The following INO80D variants were observed in gnomAD, a reference collection of about 807,000 sequenced individuals.
INO80D encodes INO80 complex subunit D.
Under a neutral mutation model 87.6 loss-of-function variants are expected in INO80D, and 21 were observed. The ratio of observed to expected loss-of-function variants is 0.24; its 90% CI spans 0.17 to 0.35. The LOEUF (loss-of-function observed/expected upper bound fraction) is 0.35, where lower values mean the gene tolerates loss of function less well. Ranked by LOEUF, INO80D falls within the 10% of genes least tolerant of loss-of-function variation. The pLI, the probability that INO80D is intolerant of heterozygous loss-of-function variation, is 1.00. For missense variants in INO80D, 982 were observed against 1,280.7 expected (o/e 0.77, Z 3.56); for synonymous variants, 440 against 491.0 (o/e 0.90, Z 1.37).
chr2:206,057,122 T>C (rs1400166694), intron 3 of INO80D, among the ~76,000 whole-genome samples, 179 bp from the exon 4 acceptor site: 2 of 152,170 alleles, frequency 1.3e-5, no homozygotes, highest in Non-Finnish European at 1.5e-5. Context: ...TCAGTGTAAT[T>C]TTGATGAGGC....
rs1302729339 is a variant in INO80D at position 206,085,669 on chromosome 2, CCCGCCCGCCGTCG to C, written c.-124+219_-124+231del. 9 of 149,986 alleles carry C rather than the reference CCCGCCCGCCGTCG, an allele frequency of 6.0e-5. No individual in the cohort carries two copies. The highest frequency in any genetic ancestry group is 1.9e-4 in the African/African-American group (8 of 41,260). 9.3% of individuals were successfully genotyped at this position (149,986 alleles called of 1,614,324 possible). ...CACTCCGGCTCCGGCTGGACCCCTG[CCCGCCCGCCGTCG>C]CCGCCCGCGGGCGCCCCGGAGGCCC... On this transcript the variant is annotated intron_variant, in intron 1 of 10. Transcript: ENST00000403263. The surrounding 1 kb of genome is among the most constrained non-coding windows in gnomAD (Gnocchi z 4.5).
intron 1 of INO80D, among the ~76,000 whole-genome samples, chr2:206,067,929 G>A (rs1203688423): frequency 2.0e-5 from 3 of 151,936 alleles, no homozygotes; most frequent in Non-Finnish European, 4.4e-5. Context: ...GGCAACAGAG[G>A]GAAACCCTGT....
In INO80D at chr2:206,004,493, T is replaced by C. The variant is rs778696731; in HGVS notation, c.2959A>G (p.Ser987Gly). ...AAFGHQLSSH[S>G]GIPKDLQPSH... ...GGCTGCAGGTCCTTAGGAATGCCAC[T>C]GTGAGAACTCAGCTGGTGGCCAAAG... Residue 987 changes from serine to glycine, a missense_variant, in exon 11 of 11, where the codon AGT (serine) becomes GGT (glycine). Physicochemically the swap from Ser to Gly is moderately conservative, Grantham distance 56. Transcript: ENST00000403263. This position sits in a 1 kb window ranked among gnomAD's most constrained non-coding sequence, Gnocchi z 4.9. 1 of 1,609,098 alleles carries C rather than the reference T, an allele frequency of 6.2e-7. No homozygotes were observed. The highest frequency in any genetic ancestry group is 8.5e-7 in the Non-Finnish European group (1 of 1,177,730).
At chr2:206,016,623 A>T (rs1472590090) in intron 8 of INO80D, among the ~76,000 whole-genome samples, 1 of 152,182 alleles carries the variant, frequency 6.6e-6, no homozygotes, top group Non-Finnish European at 1.5e-5. Flanking sequence ...GGGCAGAATG[A>T]TACGGTTTGA....
At chr2:206,081,756 C>CAAAAAAAAAAAAAAAAAAAAA (rs756168296) in intron 1 of INO80D, among the ~76,000 whole-genome samples, 1 of 75,266 alleles carries the variant, frequency 1.3e-5, no homozygotes. Context: ...GACCCTGTCT[C>CAAAAAAAAAAAAAAAAAAAAA]AAAAAAAAAA....
At chr2:206,027,152 ACG>A (rs762375901) in intron 6 of INO80D, among the ~76,000 whole-genome samples, 4 of 90,204 alleles carry the variant, frequency 4.4e-5, no homozygotes, top group East Asian at 4.7e-4. Context: ...GCACGCGCGC[ACG>A]CGCACACACA....
At chr2:206,039,810 C>CAAAAAAAA (rs35689223) in intron 5 of INO80D, among the ~76,000 whole-genome samples, 5 of 101,088 alleles carry the variant, frequency 4.9e-5, no homozygotes, top group East Asian at 2.8e-4. Context: ...CCTCTGTCTC[C>CAAAAAAAA]AAAAAAAAAA....
At chr2:206,082,931 G>C (rs1177480434) in intron 1 of INO80D, among the ~76,000 whole-genome samples, 1 of 151,996 alleles carries the variant, frequency 6.6e-6, no homozygotes, top group Admixed American at 6.6e-5. Context: ...AGTTGGAATG[G>C]GATATACAAA....
intron 6 of INO80D, among the ~76,000 whole-genome samples, chr2:206,023,795 C>A (rs776975578): frequency 1.3e-5 from 2 of 151,894 alleles, no homozygotes; most frequent in African/African-American, 4.8e-5. Flanking sequence ...ATGGGTGACA[C>A]AACTGAATAT....
intron 8 of INO80D, among the ~76,000 whole-genome samples, chr2:206,011,468 C>A (rs1688172839): frequency 6.6e-6 from 1 of 152,194 alleles, no homozygotes; most frequent in Non-Finnish European, 1.5e-5. Flanking sequence ...AGAGCCCCCA[C>A]CCCCTGAGGC....
At chr2:206,085,000 G>C (rs915371397) in intron 1 of INO80D, among the ~76,000 whole-genome samples, 1 of 152,124 alleles carries the variant, frequency 6.6e-6, no homozygotes, top group African/African-American at 2.4e-5. Flanking sequence ...GAATGGGCTC[G>C]CGGGGAGTTG....
intron 4 of INO80D, among the ~76,000 whole-genome samples, chr2:206,054,676 G>C (rs1259282873): frequency 1.3e-5 from 2 of 151,948 alleles, no homozygotes. Flanking sequence ...ACCACACCCG[G>C]CTATTTTTTG....
chr2:206,080,784 T>C (rs1025088513), intron 1 of INO80D, among the ~76,000 whole-genome samples: 10 of 151,156 alleles, frequency 6.6e-5, no homozygotes, highest in African/African-American at 2.4e-4. Context: ...GCGCCTGTAG[T>C]CCCAGCTACT....
intron 5 of INO80D, among the ~76,000 whole-genome samples, chr2:206,036,589 T>G (rs1406456435): frequency 2.6e-5 from 4 of 151,602 alleles, no homozygotes; most frequent in South Asian, 2.1e-4. Flanking sequence ...GGGGGAAGGG[T>G]GGAAGGGGAG....
intron 7 of INO80D, among the ~76,000 whole-genome samples, chr2:206,018,534 T>C (rs1688378881): frequency 6.6e-6 from 1 of 152,184 alleles, no homozygotes; most frequent in South Asian, 2.1e-4. Context: ...ATATAGTTAT[T>C]AGAAACTCAT....
rs1277520990 is a variant in INO80D at position 206,085,632 on chromosome 2, C to T, written c.-124+269G>A. On this transcript the variant is annotated intron_variant, in intron 1 of 10. Transcript: ENST00000403263. This position sits in a 1 kb window ranked among gnomAD's most constrained non-coding sequence, Gnocchi z 4.5. ...ACCCCCACCTGGCCCGCGCAGGCCG[C>T]TCCGCTCGCCCCACTCCGGCTCCGG... 6.7e-6 allele frequency: 1 copy of T among 149,296 alleles called. No individual in the cohort carries two copies. The highest frequency in any genetic ancestry group is 1.5e-5 in the Non-Finnish European group (1 of 67,054). 9.2% of individuals were successfully genotyped at this position (149,296 alleles called of 1,614,324 possible).
At chr2:206,006,578 G>A (rs1366784611) in intron 10 of INO80D, among the ~76,000 whole-genome samples, 2 of 151,782 alleles carry the variant, frequency 1.3e-5, no homozygotes, top group African/African-American at 4.8e-5. Flanking sequence ...AGCTACTCGG[G>A]AGGCTGAGGC....
chr2:206,002,716 T>C lies in INO80D; in HGVS notation c.*1652A>G, dbSNP rs1314317199. 6.6e-6 allele frequency: 1 copy of C among 152,130 alleles called. No homozygotes were observed. The highest frequency in any genetic ancestry group is 2.4e-5 in the African/African-American group (1 of 41,430). The allele number at this position is 152,130 out of a possible 1,614,324, so 9.4% of individuals were successfully genotyped here. A position where few individuals can be genotyped will look rare whatever the true frequency, so the allele number is the denominator to read the frequency against. ...GCATAAAGAGATTACATACAGGAAG[T>C]AGGAAAATACATCCAATCACTACCT... is the stretch of plus-strand genomic sequence containing the variant. On this transcript the variant is annotated 3_prime_UTR_variant, in exon 11 of 11. Coordinates refer to ENST00000403263, the MANE Select transcript of INO80D (RefSeq NM_017759.5).
intron 1 of INO80D, among the ~76,000 whole-genome samples, chr2:206,073,024 G>A (rs968008936): frequency 2.6e-5 from 4 of 152,018 alleles, no homozygotes; most frequent in Admixed American, 2.6e-4. Flanking sequence ...TTATTGTAGA[G>A]ATGGAGTCTC....
Sources: allele counts gnomAD v4.1 joint callset (sites outside exome capture counted in the v4.1 genomes callset), GRCh38; gene constraint gnomAD v4.1.1; non-coding constraint Gnocchi (gnomAD v3.1); transcripts MANE v1.5; gene names NCBI Gene and HGNC (gene_info 2026-07-23, HGNC 2026-07-21).